DLGAP2: variants seen among roughly 807,000 people sequenced by gnomAD.
DLGAP2 encodes the protein disks large-associated protein 2.
A neutral mutation model predicts 100.3 loss-of-function variants in DLGAP2; 26 were observed. That is an observed-to-expected ratio of 0.26 (90% CI 0.19 to 0.36). The LOEUF (loss-of-function observed/expected upper bound fraction) is 0.36, where lower values mean the gene tolerates loss of function less well. Ranked by LOEUF, DLGAP2 falls within the 10% of genes least tolerant of loss-of-function variation. DLGAP2 has a pLI of 1.00. For missense variants in DLGAP2, 1,858 were observed against 1,453.2 expected (o/e 1.28, Z -4.53); for synonymous variants, 886 against 630.1 (o/e 1.41, Z -6.08).
intron 3 of DLGAP2, among the ~76,000 whole-genome samples, chr8:1,471,537 A>T (rs1254353078): frequency 1.5e-5 from 1 of 67,606 alleles, no homozygotes; most frequent in Non-Finnish European, 2.9e-5. Flanking sequence ...CTCCCCTCCC[A>T]GCCTCCTCCT....
chr8:748,202 CTCTGCGGTGGGATGAGCGGG>C lies in DLGAP2; in HGVS notation c.18+10392_18+10411del, dbSNP rs1563409767. ...GGCGGGTCTGCGGTGGGATGGGGGG[CTCTGCGGTGGGATGAGCGGG>C]TCTGCGGTGGGATGGGCGGGTCTGC... On this transcript the variant is annotated intron_variant, in intron 1 of 14. Coordinates refer to ENST00000637795, the MANE Select transcript of DLGAP2 (RefSeq NM_001346810.2). 8.6e-4 allele frequency among the ~76,000 whole-genome samples: 32 copies of C among 37,158 alleles called. 1 individual carries two copies. In the East Asian group the frequency reaches 0.012, roughly 13 times the overall value. The allele number at this position is 37,158 out of a possible 152,430, so 24.4% of individuals were successfully genotyped here.
At chr8:1,528,145 G>T (rs544439094) in intron 4 of DLGAP2, among the ~76,000 whole-genome samples, 2 of 152,192 alleles carry the variant, frequency 1.3e-5, no homozygotes, top group African/African-American at 4.8e-5. Context: ...CGGACGCAGC[G>T]ATACCTTTGA....
intron 3 of DLGAP2, among the ~76,000 whole-genome samples, chr8:1,408,777 C>T (rs947545801): frequency 2.6e-5 from 4 of 152,076 alleles, no homozygotes; most frequent in Non-Finnish European, 4.4e-5. Flanking sequence ...GGCAGCTCTA[C>T]CACCAAGAGA....
intron 3 of DLGAP2, among the ~76,000 whole-genome samples, chr8:1,490,110 T>C (rs1428269044): frequency 6.6e-6 from 1 of 152,102 alleles, no homozygotes; most frequent in African/African-American, 2.4e-5. Context: ...CAGGCTGGTC[T>C]TGAACTCCTG....
intron 3 of DLGAP2, among the ~76,000 whole-genome samples, chr8:1,318,778 G>GC (rs34614425): frequency 0.36 from 37,211 of 102,328 alleles, 6,655 homozygotes; most frequent in Non-Finnish European, 0.38. Flanking sequence ...TCAGTGATCA[G>GC]CCCCCCCCCC....
intron 9 of DLGAP2, among the ~76,000 whole-genome samples, chr8:1,668,993 A>G (rs770877278): frequency 3.9e-5 from 6 of 152,150 alleles, no homozygotes; most frequent in Non-Finnish European, 7.3e-5. Context: ...GGCTGCCTAG[A>G]GAGTATGGAG....
intron 5 of DLGAP2, among the ~76,000 whole-genome samples, chr8:1,555,971 A>G (rs938000255): frequency 6.6e-6 from 1 of 152,354 alleles, no homozygotes; most frequent in South Asian, 2.1e-4. Flanking sequence ...TCATGTGAAC[A>G]TGGAACACTG....
chr8:1,601,752 G>C (rs531459172), intron 6 of DLGAP2, among the ~76,000 whole-genome samples: 3 of 152,204 alleles, frequency 2.0e-5, no homozygotes, highest in Admixed American at 2.0e-4. Flanking sequence ...TTCCTCAAAT[G>C]CTCAGAGCTC....
chr8:1,125,909 G>A (rs773488056), intron 2 of DLGAP2, among the ~76,000 whole-genome samples: 1 of 152,210 alleles, frequency 6.6e-6, no homozygotes, highest in Non-Finnish European at 1.5e-5. Context: ...GTTGAAGAAG[G>A]ACCCAGCGAG....
chr8:1,312,625 A>G (rs975008473), intron 3 of DLGAP2, among the ~76,000 whole-genome samples: 1 of 152,208 alleles, frequency 6.6e-6, no homozygotes, highest in African/African-American at 2.4e-5. Flanking sequence ...GTATTTAATG[A>G]CGCATAATTA....
rs1440250259 is a variant in DLGAP2 at position 1,338,583 on chromosome 8, T to C, written c.106+79700T>C. ...TGATTCTTGCACACCTTTGTGAATA[T>C]ATAAAACCACCAAGTTGTAAACCTT... On this transcript the variant is annotated intron_variant, in intron 3 of 14. Transcript: ENST00000637795. Among the ~76,000 whole-genome samples, 5 of 152,356 alleles carry C rather than the reference T, an allele frequency of 3.3e-5. No homozygotes were observed. In the East Asian group the frequency reaches 9.6e-4, roughly 29 times the overall value.
chr8:1,627,103 T>G (rs1563265882), intron 7 of DLGAP2, among the ~76,000 whole-genome samples: 2 of 152,274 alleles, frequency 1.3e-5, no homozygotes, highest in Non-Finnish European at 2.9e-5. Context: ...ATATCATTTT[T>G]GCGTTGATTT....
chr8:1,476,244 C>T (rs773468205), intron 3 of DLGAP2, among the ~76,000 whole-genome samples: 4 of 152,158 alleles, frequency 2.6e-5, no homozygotes, highest in African/African-American at 7.2e-5. Flanking sequence ...CATTTCTGTA[C>T]GTTTTTGAAG....
chr8:1,694,453 G>A (rs575923503), intron 13 of DLGAP2, among the ~76,000 whole-genome samples: 6 of 152,310 alleles, frequency 3.9e-5, no homozygotes, highest in South Asian at 4.1e-4. Flanking sequence ...CTTTCGGGAC[G>A]GACCGCGGGG....
chr8:1,251,000 G>C (rs551354736), intron 2 of DLGAP2, among the ~76,000 whole-genome samples: 1 of 152,232 alleles, frequency 6.6e-6, no homozygotes, highest in East Asian at 1.9e-4. Flanking sequence ...AATATTTAGG[G>C]GTTGGCTTTC....
chr8:1,117,872 T>C (rs543819955), intron 2 of DLGAP2, among the ~76,000 whole-genome samples: 11 of 151,146 alleles, frequency 7.3e-5, no homozygotes, highest in Non-Finnish European at 1.5e-4. Flanking sequence ...TTTTGAAAGT[T>C]TTTTTTTTTC....
At chr8:1,019,421 C>T (rs1340536816) in intron 2 of DLGAP2, 1 of 151,960 alleles carries the variant, frequency 6.6e-6, no homozygotes, top group Non-Finnish European at 1.5e-5. Context: ...GAGAATCGCA[C>T]ATAGAAATAA....
chr8:1,283,934 G>A (rs971811358), intron 3 of DLGAP2, among the ~76,000 whole-genome samples: 1 of 152,188 alleles, frequency 6.6e-6, no homozygotes, highest in Non-Finnish European at 1.5e-5. Flanking sequence ...ATGCTAGAGC[G>A]TCCATCTGTA....
At chr8:1,148,145 C>T (rs1333897897) in intron 2 of DLGAP2, among the ~76,000 whole-genome samples, 2 of 152,128 alleles carry the variant, frequency 1.3e-5, no homozygotes, top group African/African-American at 2.4e-5. Flanking sequence ...CTTTTCTAGA[C>T]AGGACTGTTA....
Sources: allele counts gnomAD v4.1 joint callset (sites outside exome capture counted in the v4.1 genomes callset), GRCh38; gene constraint gnomAD v4.1.1; transcripts MANE v1.5; gene names NCBI Gene and HGNC (gene_info 2026-07-23, HGNC 2026-07-21).